CHST8: variants seen among roughly 807,000 people sequenced by gnomAD.
CHST8 encodes GALNAC-4-ST1.
CHST8 carries 10 observed loss-of-function variants against 15.0 expected under a neutral mutation model. The ratio of observed to expected loss-of-function variants is 0.67; its 90% CI spans 0.41 to 1.13. The LOEUF (loss-of-function observed/expected upper bound fraction) is 1.13, where lower values mean the gene tolerates loss of function less well. Ranked by LOEUF, CHST8 falls within the 50% of genes most tolerant of loss-of-function variation. CHST8 has a pLI of 0.00. For synonymous variants in CHST8, 259 were observed against 256.6 expected, an observed-to-expected ratio of 1.01 and a Z score of -0.09; for missense variants, 634 against 608.2, an observed-to-expected ratio of 1.04 and a Z score of -0.45.
intron 3 of CHST8, among the ~76,000 whole-genome samples, chr19:33,695,833 T>TC (rs1973207724): frequency 3.2e-5 from 4 of 126,020 alleles, no homozygotes; most frequent in Admixed American, 7.6e-5. Context: ...TTTTTTTTTT[T>TC]TTTTTTTTTG....
chr19:33,717,369 G>A (rs532650652), intron 3 of CHST8, among the ~76,000 whole-genome samples: 5 of 152,124 alleles, frequency 3.3e-5, no homozygotes, highest in East Asian at 1.9e-4. Context: ...GCTGAGACAG[G>A]AGAATTGCTT....
intron 3 of CHST8, among the ~76,000 whole-genome samples, chr19:33,757,528 GAAAGAAAGAAAGA>G (rs1974613855): frequency 6.5e-5 from 2 of 30,840 alleles, no homozygotes; most frequent in Non-Finnish European, 1.3e-4. Flanking sequence ...GAAAGAGAAA[GAAAGAAAGAAAGA>G]AAGAAAGAAA....
chr19:33,732,115 CTCTT>C (rs1974006419), intron 3 of CHST8, among the ~76,000 whole-genome samples: 2 of 152,304 alleles, frequency 1.3e-5, no homozygotes, highest in East Asian at 1.9e-4. Context: ...GCAATGCTGC[CTCTT>C]TCTTTTGGGC....
At chr19:33,688,377 C>T (rs1175152421) in intron 2 of CHST8, among the ~76,000 whole-genome samples, 1 of 152,168 alleles carries the variant, frequency 6.6e-6, no homozygotes, top group African/African-American at 2.4e-5. Flanking sequence ...GTGGCTGGAG[C>T]AGTTAGTGCC....
chr19:33,694,626 C>G (rs1370423952), intron 3 of CHST8, among the ~76,000 whole-genome samples: 1 of 152,194 alleles, frequency 6.6e-6, no homozygotes, highest in Non-Finnish European at 1.5e-5. Flanking sequence ...GTAGCCCAGG[C>G]TGGAGTGCAG....
chr19:33,710,872 G>GGT (rs397802097), intron 3 of CHST8, among the ~76,000 whole-genome samples: 1 of 138,624 alleles, frequency 7.2e-6, no homozygotes, highest in South Asian at 2.4e-4. Flanking sequence ...AATTTCTGGA[G>GGT]TTTTTTTTTT....
intron 2 of CHST8, among the ~76,000 whole-genome samples, chr19:33,670,962 C>G (rs1288540971): frequency 1.3e-5 from 2 of 152,162 alleles, no homozygotes; most frequent in Non-Finnish European, 2.9e-5. Context: ...GCCTATGTAG[C>G]TGGTAAGTGG....
chr19:33,678,730 C>A (rs1488517178), intron 2 of CHST8, among the ~76,000 whole-genome samples: 4 of 152,050 alleles, frequency 2.6e-5, no homozygotes, highest in Non-Finnish European at 5.9e-5. Flanking sequence ...TAGAGTGACA[C>A]CCTGTCTCTA....
intron 3 of CHST8, among the ~76,000 whole-genome samples, chr19:33,747,252 G>C (rs1444551215): frequency 6.6e-6 from 1 of 152,168 alleles, no homozygotes; most frequent in Non-Finnish European, 1.5e-5. Context: ...CAGCGGGCAG[G>C]TGCGCCCTTC....
intron 1 of CHST8, among the ~76,000 whole-genome samples, chr19:33,660,638 G>A (rs1467107013): frequency 3.3e-5 from 5 of 152,120 alleles, no homozygotes; most frequent in South Asian, 4.1e-4. Context: ...GGAAGTTGCC[G>A]CCCCTTTCAC....
intron 1 of CHST8, among the ~76,000 whole-genome samples, chr19:33,634,421 C>T (rs1462682496): frequency 6.6e-6 from 1 of 152,138 alleles, no homozygotes. Context: ...CACTTCCATC[C>T]CCACATTGTG....
chr19:33,695,827 T>TCTTTC (rs1175672400), intron 3 of CHST8, among the ~76,000 whole-genome samples: 1 of 141,464 alleles, frequency 7.1e-6, no homozygotes, highest in African/African-American at 2.7e-5. Context: ...CTTTCTTTTT[T>TCTTTC]TTTTTTTTTT....
chr19:33,671,458 T>C (rs1185209469), intron 2 of CHST8, among the ~76,000 whole-genome samples: 3 of 152,198 alleles, frequency 2.0e-5, no homozygotes, highest in Non-Finnish European at 4.4e-5. Flanking sequence ...GTCCTCCCTC[T>C]GCTCCTGTCT....
chr19:33,650,501 CTTTTTCTTTTTCTTTTCTTTTT>C (rs1335036791), intron 1 of CHST8, among the ~76,000 whole-genome samples: 14 of 50,930 alleles, frequency 2.7e-4, no homozygotes, highest in African/African-American at 8.6e-4. Context: ...TTTTCTTTTT[CTTTTTCTTTTTCTTTTCTTTTT>C]TTTTTTTTTT....
intron 2 of CHST8, among the ~76,000 whole-genome samples, chr19:33,685,511 G>T (rs1428381819): frequency 6.8e-6 from 1 of 146,780 alleles, no homozygotes; most frequent in African/African-American, 2.4e-5. Context: ...CCTCTTCTCT[G>T]CCCCTGGAAG....
intron 1 of CHST8, among the ~76,000 whole-genome samples, chr19:33,627,983 A>T (rs998610417): frequency 6.6e-6 from 1 of 152,204 alleles, no homozygotes; most frequent in African/African-American, 2.4e-5. Context: ...TGTGATAAGG[A>T]TATAAAGAAT....
chr19:33,665,433 C>T lies in CHST8; in HGVS notation c.-163-2334C>T, dbSNP rs544586931. On this transcript the variant is annotated intron_variant, in intron 1 of 4. Transcript: ENST00000650847. Reference sequence around the variant, plus strand: ...GCACCCACAGATGATACAGAACAGGCGTGGCTGTGTTCCAATAAAACTTTA... The same window carrying T: ...GCACCCACAGATGATACAGAACAGGTGTGGCTGTGTTCCAATAAAACTTTA... 2.8e-4 allele frequency among the ~76,000 whole-genome samples: 43 copies of T among 152,280 alleles called. No individual in the cohort carries two copies. In the South Asian group the frequency reaches 8.5e-3, roughly 30 times the overall value.
rs1189627108 is a variant in CHST8 at position 33,622,286 on chromosome 19, CGCTGCGCCAGGTAAGTG to C, written c.-165_-164+15del. 1 of 152,190 alleles carries C rather than the reference CGCTGCGCCAGGTAAGTG, an allele frequency of 6.6e-6. No individual in the cohort carries two copies. Among genetic ancestry groups the C allele is most frequent in the Non-Finnish European group, 1.5e-5 (1 of 68,084 alleles). The allele number at this position is 152,190 out of a possible 1,614,324, so 9.4% of individuals were successfully genotyped here. A position where few individuals can be genotyped will look rare whatever the true frequency, so the allele number is the denominator to read the frequency against. The stretch of plus-strand genomic sequence containing the variant: ...AGGCGCCCGCGGCCTCGGGTGCGTC[CGCTGCGCCAGGTAAGTG>C]GCTGCGCCCCTGCCCCACCCCTGTT... On this transcript the variant is annotated splice_donor_variant and splice_donor_5th_base_variant and 5_prime_UTR_variant and intron_variant, in exon 1 of 5. Coordinates refer to ENST00000650847, the MANE Select transcript of CHST8 (RefSeq NM_001127895.2). LOFTEE classifies it low-confidence loss of function (5UTR_SPLICE).
chr19:33,672,023 G>A (rs1054645927), intron 2 of CHST8, among the ~76,000 whole-genome samples: 7 of 151,786 alleles, frequency 4.6e-5, no homozygotes, highest in African/African-American at 1.7e-4. Context: ...GTATGTATGT[G>A]TATGTATGTA....
Sources: gnomAD v4.1 joint callset for allele counts (sites outside exome capture counted in the v4.1 genomes callset) on GRCh38, gnomAD v4.1.1 for gene constraint, MANE v1.5 for transcripts, NCBI Gene and HGNC (gene_info 2026-07-23, HGNC 2026-07-21) for gene names.